MINDY2: variants seen among roughly 807,000 people sequenced by gnomAD.
MINDY2 encodes the protein ubiquitin carboxyl-terminal hydrolase MINDY-2.
A neutral mutation model predicts 68.2 loss-of-function variants in MINDY2; 52 were observed. The ratio of observed to expected loss-of-function variants is 0.76; its 90% CI spans 0.61 to 0.96. The LOEUF (loss-of-function observed/expected upper bound fraction) is 0.96. Among genes scored for constraint, MINDY2 ranks in the 40% least tolerant of loss-of-function variants. The probability of loss-of-function intolerance (pLI) is 0.00; values close to 1 mark genes in which losing one functional copy is unlikely to be tolerated. For synonymous variants in MINDY2, 372 were observed against 303.0 expected (o/e 1.23, Z -2.36); for missense variants, 881 against 773.4 (o/e 1.14, Z -1.65).
chr15:58,788,775 C>G (rs561539410), intron 2 of MINDY2, among the ~76,000 whole-genome samples: 10 of 151,912 alleles, frequency 6.6e-5, no homozygotes, highest in African/African-American at 4.8e-5. Flanking sequence ...TTTGGGAGGT[C>G]AAGGCAGGCA....
intron 6 of MINDY2, among the ~76,000 whole-genome samples, chr15:58,840,637 A>G (rs1478399291): frequency 1.0e-5 from 1 of 96,950 alleles, no homozygotes; most frequent in African/African-American, 3.7e-5. Flanking sequence ...ACTTATTATT[A>G]TTATTATTAT....
intron 5 of MINDY2, 108 bp downstream of exon 5, chr15:58,821,927 G>T (rs367675511): frequency 1.5e-6 from 1 of 676,514 alleles, no homozygotes; most frequent in African/African-American, 1.9e-5. Flanking sequence ...AAAAACACAT[G>T]TTATATTACT....
In MINDY2 at chr15:58,854,521, C is replaced by CA. The variant is rs759902143; in HGVS notation, c.1779dup (p.Ser594IlefsTer4). 6.2e-7 allele frequency: 1 copy of CA among 1,613,404 alleles called. No homozygotes were observed. Among genetic ancestry groups the CA allele is most frequent in the Admixed American group, 1.7e-5 (1 of 59,948 alleles). ...ACAAGCCTCTCCATCAAGTGGAAGA[C>CA]AATCTGGGAATAGTGAACGTAAACG... On this transcript the variant is annotated frameshift_variant, in exon 9 of 9. Coordinates refer to ENST00000559228, the MANE Select transcript of MINDY2 (RefSeq NM_001040450.3). LOFTEE classifies it high-confidence loss of function.
rs1371848851 is a variant in MINDY2, at chr15:58,859,019, A to G, written c.*4409A>G. ...ACAAAGTATGACTTAATTTATCACA[A>G]ATATTACACATCCTATGTTCTTGAA... is the stretch of plus-strand genomic sequence containing the variant. On this transcript the variant is annotated 3_prime_UTR_variant, in exon 9 of 9. Coordinates refer to ENST00000559228, the MANE Select transcript of MINDY2 (RefSeq NM_001040450.3). 8 of 152,156 alleles carry G rather than the reference A, an allele frequency of 5.3e-5. No individual in the cohort carries two copies. Among genetic ancestry groups the G allele is most frequent in the Non-Finnish European group, 1.2e-4 (8 of 67,964 alleles). The allele number at this position is 152,156 out of a possible 1,614,324, so 9.4% of individuals were successfully genotyped here. A position where few individuals can be genotyped will look rare whatever the true frequency, so the allele number is the denominator to read the frequency against.
intron 2 of MINDY2, among the ~76,000 whole-genome samples, chr15:58,798,176 G>T (rs1005470731): frequency 6.6e-6 from 1 of 152,050 alleles, no homozygotes; most frequent in East Asian, 1.9e-4. Context: ...GAGTATAATG[G>T]TGCGATCTTG....
chr15:58,843,665 C>T (rs1294431515), intron 6 of MINDY2, among the ~76,000 whole-genome samples: 1 of 151,810 alleles, frequency 6.6e-6, no homozygotes, highest in East Asian at 1.9e-4. Flanking sequence ...GAAACCCCCT[C>T]GCTACTAAAA....
At chr15:58,851,158 G>C (rs949969456) in intron 7 of MINDY2, among the ~76,000 whole-genome samples, 2 of 150,576 alleles carry the variant, frequency 1.3e-5, no homozygotes, top group African/African-American at 4.9e-5. Flanking sequence ...GTTTTTAATA[G>C]AGACGGGGTT....
chr15:58,813,292 C>T (rs558848991), intron 4 of MINDY2, among the ~76,000 whole-genome samples: 39 of 152,202 alleles, frequency 2.6e-4, no homozygotes, highest in Non-Finnish European at 5.6e-4. Flanking sequence ...ACCAGGAGTT[C>T]GAGACCAGCC....
At chr15:58,843,632 G>A (rs1051084231) in intron 6 of MINDY2, among the ~76,000 whole-genome samples, 2 of 151,774 alleles carry the variant, frequency 1.3e-5, no homozygotes, top group African/African-American at 2.4e-5. Context: ...AGTGGAGTTC[G>A]AGACCAGCCT....
rs1900386447 is a variant in MINDY2, at chr15:58,771,520, G to A, written c.125G>A (p.Gly42Glu). 1.2e-6 allele frequency: 2 copies of A among 1,612,168 alleles called. No individual in the cohort carries two copies. Among genetic ancestry groups the A allele is most frequent in the Non-Finnish European group, 1.7e-6 (2 of 1,179,704 alleles). ...ETRLAAGDGP[G>E]VWAAETSGGN... ...AGGCTCGCCGCTGGTGATGGTCCTG[G>A]GGTATGGGCGGCGGAGACCAGCGGC... The change falls in exon 1 of 9, where the codon GGG becomes GAG. Residue 42 changes from glycine (G) to glutamate (E), a missense_variant. By Grantham distance (98) the Gly-to-Glu change is moderately conservative. Transcript: ENST00000559228.
At chr15:58,776,719 T>C (rs1900793730) in intron 1 of MINDY2, among the ~76,000 whole-genome samples, 1 of 151,932 alleles carries the variant, frequency 6.6e-6, no homozygotes, top group South Asian at 2.1e-4. Flanking sequence ...AGAGACAAGG[T>C]CACGTTAAGA....
chr15:58,826,660 C>T (rs928593109), intron 5 of MINDY2, among the ~76,000 whole-genome samples: 3 of 152,258 alleles, frequency 2.0e-5, no homozygotes, highest in Admixed American at 1.3e-4. Context: ...AATCACAATG[C>T]AATTATTTCA....
At chr15:58,811,773 G>A (rs751963278) in intron 4 of MINDY2, among the ~76,000 whole-genome samples, 7 of 152,166 alleles carry the variant, frequency 4.6e-5, no homozygotes, top group Non-Finnish European at 1.0e-4. Flanking sequence ...AGTCCATAGA[G>A]GTTAGTCTCC....
In MINDY2 at chr15:58,802,190, T is replaced by C. The variant is rs1902708276; in HGVS notation, c.899-123T>C. 9.0e-6 allele frequency: 6 copies of C among 667,812 alleles called. No homozygotes were observed. The Middle Eastern group carries it at 1.2e-3, about 135-fold the overall frequency. 41.4% of individuals were successfully genotyped at this position (667,812 alleles called of 1,614,324 possible). On this transcript the variant is annotated intron_variant, in intron 2 of 8. Transcript: ENST00000559228. ...ATTTTCTCTGGGTAGGATTGGGGAGTCAATTTTATATGTCAACTATAGCTA... is the reference window on the plus strand; with the variant it reads ...ATTTTCTCTGGGTAGGATTGGGGAGCCAATTTTATATGTCAACTATAGCTA...
At chr15:58,784,129 C>T (rs1421108209) in intron 1 of MINDY2, among the ~76,000 whole-genome samples, 8 of 151,886 alleles carry the variant, frequency 5.3e-5, no homozygotes, top group Admixed American at 3.3e-4. Flanking sequence ...AGTTCAAGAC[C>T]AGCTTGGGCA....
intron 6 of MINDY2, among the ~76,000 whole-genome samples, chr15:58,833,382 C>A (rs550659143): frequency 6.6e-6 from 1 of 152,110 alleles, no homozygotes; most frequent in Non-Finnish European, 1.5e-5. Flanking sequence ...GGGTGTTTCT[C>A]ATTAGGTGGA....
intron 1 of MINDY2, among the ~76,000 whole-genome samples, chr15:58,780,363 T>G (rs1901055418): frequency 6.6e-6 from 1 of 151,650 alleles, no homozygotes; most frequent in Admixed American, 6.6e-5. Flanking sequence ...GATAGCGCCA[T>G]TGCACTCCAG....
chr15:58,803,139 T>C (rs1902776027), intron 3 of MINDY2, among the ~76,000 whole-genome samples: 1 of 152,204 alleles, frequency 6.6e-6, no homozygotes, highest in Non-Finnish European at 1.5e-5. Context: ...TTGAATTTAA[T>C]GTTCAGATAA....
chr15:58,830,638 A>G (rs1245835615), intron 5 of MINDY2, among the ~76,000 whole-genome samples: 1 of 152,156 alleles, frequency 6.6e-6, no homozygotes, highest in Non-Finnish European at 1.5e-5. Flanking sequence ...TTTTCTCTAT[A>G]AGGCACATCA....
Sources: allele counts gnomAD v4.1 joint callset (sites outside exome capture counted in the v4.1 genomes callset), GRCh38; gene constraint gnomAD v4.1.1; transcripts MANE v1.5; gene names NCBI Gene and HGNC (gene_info 2026-07-23, HGNC 2026-07-21).